CTNND2: variants seen among roughly 807,000 people sequenced by gnomAD.
CTNND2 encodes the protein catenin delta 2.
Under a neutral mutation model 144.4 loss-of-function variants are expected in CTNND2, and 22 were observed. The ratio of observed to expected loss-of-function variants is 0.15; its 90% CI spans 0.11 to 0.22. CTNND2 has a LOEUF of 0.22. CTNND2 is among the 10% of genes least tolerant of loss of function. The probability of loss-of-function intolerance (pLI) is 1.00; values close to 1 mark genes in which losing one functional copy is unlikely to be tolerated. For synonymous variants in CTNND2, 751 were observed against 695.6 expected (o/e 1.08, Z -1.25); for missense variants, 1,353 against 1,618.8 (o/e 0.84, Z 2.82).
intron 9 of CTNND2, among the ~76,000 whole-genome samples, chr5:11,339,419 A>G (rs1754028982): frequency 1.3e-5 from 2 of 152,174 alleles, no homozygotes; most frequent in South Asian, 4.1e-4. Context: ...GAGGGCTGGT[A>G]CATGGTGAGG....
chr5:11,114,053 A>C (rs16901274), intron 13 of CTNND2, among the ~76,000 whole-genome samples: 3,494 of 152,310 alleles, frequency 0.023, 142 homozygotes, highest in African/African-American at 0.08. Flanking sequence ...TCTGCATCAA[A>C]AAGTGGACTG....
At chr5:11,376,189 A>G (rs1180430913) in intron 7 of CTNND2, among the ~76,000 whole-genome samples, 1 of 152,170 alleles carries the variant, frequency 6.6e-6, no homozygotes, top group Admixed American at 6.5e-5. Context: ...TTTGTAAGTT[A>G]CACAATTTAT....
At chr5:11,283,463 C>G (rs1180378138) in intron 9 of CTNND2, among the ~76,000 whole-genome samples, 1 of 151,846 alleles carries the variant, frequency 6.6e-6, no homozygotes, top group East Asian at 1.9e-4. Context: ...ATCATGAAGT[C>G]AGGAGTTTGA....
chr5:11,770,712 G>A (rs1789882999), intron 1 of CTNND2, among the ~76,000 whole-genome samples: 1 of 152,090 alleles, frequency 6.6e-6, no homozygotes. Flanking sequence ...GGGCGCAAAG[G>A]AGTCAGCCAA....
At chr5:11,744,398 C>CAGAT (rs1788187826) in intron 1 of CTNND2, among the ~76,000 whole-genome samples, 1 of 152,132 alleles carries the variant, frequency 6.6e-6, no homozygotes, top group African/African-American at 2.4e-5. Context: ...GCAGAACTGA[C>CAGAT]AGATCTCTCA....
At chr5:11,186,743 G>C (rs1042861268) in intron 11 of CTNND2, among the ~76,000 whole-genome samples, 8 of 152,114 alleles carry the variant, frequency 5.3e-5, no homozygotes, top group African/African-American at 1.7e-4. Context: ...TGAAAATCTA[G>C]GGTCCAGAAA....
At chr5:11,208,147 TG>T (rs1738245707) in intron 10 of CTNND2, among the ~76,000 whole-genome samples, 1 of 152,130 alleles carries the variant, frequency 6.6e-6, no homozygotes, top group South Asian at 2.1e-4. Context: ...GAAATAAATA[TG>T]TTATGAATTG....
At chr5:11,814,208 T>A (rs1402833342) in intron 1 of CTNND2, among the ~76,000 whole-genome samples, 1 of 152,220 alleles carries the variant, frequency 6.6e-6, no homozygotes, top group Non-Finnish European at 1.5e-5. Context: ...CCAATGTAGA[T>A]TTTTTACATA....
chr5:11,502,432 T>C (rs897986836), intron 3 of CTNND2, among the ~76,000 whole-genome samples: 5 of 152,182 alleles, frequency 3.3e-5, no homozygotes, highest in Non-Finnish European at 7.3e-5. Context: ...AGTTGGGAGA[T>C]AAAAGACTGG....
chr5:11,754,196 T>A (rs985696813), intron 1 of CTNND2, among the ~76,000 whole-genome samples: 1 of 151,804 alleles, frequency 6.6e-6, no homozygotes, highest in Admixed American at 6.6e-5. Flanking sequence ...ATTTTGGTTA[T>A]GTCTTATCTT....
At chr5:11,656,082 C>T (rs1445638160) in intron 2 of CTNND2, among the ~76,000 whole-genome samples, 1 of 151,946 alleles carries the variant, frequency 6.6e-6, no homozygotes, top group African/African-American at 2.4e-5. Context: ...TTTTAGAATT[C>T]AGACATGGTT....
intron 15 of CTNND2, among the ~76,000 whole-genome samples, chr5:11,086,403 C>G (rs1478664864): frequency 6.6e-6 from 1 of 152,056 alleles, no homozygotes; most frequent in Admixed American, 6.5e-5. Context: ...CTGTAAGACC[C>G]CCAAGTTTAG....
At chr5:11,455,362 A>G (rs901298044) in intron 3 of CTNND2, among the ~76,000 whole-genome samples, 2 of 152,272 alleles carry the variant, frequency 1.3e-5, no homozygotes, top group Non-Finnish European at 2.9e-5. Context: ...GCCCCAACTT[A>G]ATGTTTTTCT....
chr5:11,136,434 A>C (rs1221291197), intron 12 of CTNND2, among the ~76,000 whole-genome samples: 1 of 152,158 alleles, frequency 6.6e-6, no homozygotes, highest in Admixed American at 6.5e-5. Context: ...TAAAATGAAA[A>C]AGGCAAGAAT....
chr5:11,619,819 T>C (rs1780749733), intron 2 of CTNND2, among the ~76,000 whole-genome samples: 1 of 152,174 alleles, frequency 6.6e-6, no homozygotes, highest in South Asian at 2.1e-4. Context: ...CTCCATTAAC[T>C]ACTGGTGCCA....
chr5:11,865,636 A>G (rs1295023830), intron 1 of CTNND2, among the ~76,000 whole-genome samples: 1 of 152,142 alleles, frequency 6.6e-6, no homozygotes, highest in Non-Finnish European at 1.5e-5. Context: ...GAACCAGTGA[A>G]TATGTTATGT....
At chr5:11,708,078 A>C (rs1239685306) in intron 2 of CTNND2, among the ~76,000 whole-genome samples, 1 of 150,468 alleles carries the variant, frequency 6.6e-6, no homozygotes, top group Non-Finnish European at 1.5e-5. Flanking sequence ...ATAGGGTCTC[A>C]CTCTGTCACT....
chr5:11,351,161 T>C (rs1755299702), intron 8 of CTNND2, among the ~76,000 whole-genome samples: 1 of 152,208 alleles, frequency 6.6e-6, no homozygotes, highest in Non-Finnish European at 1.5e-5. Flanking sequence ...ATTTCTGGAC[T>C]GTTGAACACT....
At chr5:11,860,245 C>A (rs577203791) in intron 1 of CTNND2, among the ~76,000 whole-genome samples, 1 of 152,180 alleles carries the variant, frequency 6.6e-6, no homozygotes, top group Non-Finnish European at 1.5e-5. Context: ...TTCCCATACA[C>A]AATGCTTTTT....
Sources: allele counts gnomAD v4.1 joint callset (sites outside exome capture counted in the v4.1 genomes callset), GRCh38; gene constraint gnomAD v4.1.1; transcripts MANE v1.5; gene names NCBI Gene and HGNC (gene_info 2026-07-23, HGNC 2026-07-21).